The following SAMHD1 variants were observed in gnomAD, a reference collection of about 807,000 sequenced individuals.
The protein encoded by SAMHD1 is deoxynucleoside triphosphate triphosphohydrolase SAMHD1.
SAMHD1 carries 54 observed loss-of-function variants against 79.6 expected under a neutral mutation model. The observed-to-expected ratio is 0.68, with a 90% confidence interval of 0.55 to 0.85. The LOEUF (loss-of-function observed/expected upper bound fraction) is 0.85, where lower values mean the gene tolerates loss of function less well. SAMHD1 is among the 40% of genes least tolerant of loss of function. The pLI is 0.00. For missense variants in SAMHD1, 663 were observed against 782.7 expected, an observed-to-expected ratio of 0.85 and a Z score of 1.82; for synonymous variants, 260 against 264.1, an observed-to-expected ratio of 0.98 and a Z score of 0.15.
chr20:36,949,714 G>A (rs1162087692), intron 1 of SAMHD1, among the ~76,000 whole-genome samples: 2 of 136,416 alleles, frequency 1.5e-5, no homozygotes, highest in Non-Finnish European at 3.0e-5. Context: ...CCGAGATGGC[G>A]CCACTGCACT....
At chr20:36,909,949 G>A (rs893311101) in intron 11 of SAMHD1, among the ~76,000 whole-genome samples, 11 of 151,940 alleles carry the variant, frequency 7.2e-5, no homozygotes, top group African/African-American at 9.7e-5. Flanking sequence ...AGGTGTGGCC[G>A]GGCGGTGTCT....
chr20:36,919,502 A>G lies in SAMHD1; in HGVS notation c.714T>C (p.Val238=). 1 of 1,613,556 alleles carries G rather than the reference A, an allele frequency of 6.2e-7. No individual in the cohort carries two copies. Among genetic ancestry groups the G allele is most frequent in the Non-Finnish European group, 8.5e-7 (1 of 1,179,838 alleles). The part of the protein sequence containing the change: ...EVKWTHEQGS[V]MMFEHLINSN... ...AATTAATAAGGTGCTCAAACATCAT[A>G]ACTGAGCCTTGTTCATGCTAGGAAA... is the stretch of plus-strand genomic sequence containing the variant. Residue 238 remains valine, a synonymous_variant, in exon 7 of 16, where the codon GTT becomes GTC. Coordinates refer to ENST00000646673, the MANE Select transcript of SAMHD1 (RefSeq NM_015474.4).
At chr20:36,895,859 G>T (rs1194653110) in intron 15 of SAMHD1, among the ~76,000 whole-genome samples, 2 of 152,030 alleles carry the variant, frequency 1.3e-5, no homozygotes, top group Admixed American at 6.6e-5. Context: ...GGGAAAAATG[G>T]ATGGCTGTGT....
chr20:36,923,688 G>A (rs2063520280), intron 6 of SAMHD1, among the ~76,000 whole-genome samples: 2 of 152,110 alleles, frequency 1.3e-5, no homozygotes, highest in Admixed American at 1.3e-4. Context: ...GACGGTGCAG[G>A]CCTGTGGCCC....
intron 2 of SAMHD1, among the ~76,000 whole-genome samples, chr20:36,943,681 G>A (rs2063663127): frequency 6.6e-6 from 1 of 152,128 alleles, no homozygotes. Context: ...AAGAAAGACT[G>A]TATTAGAACA....
At chr20:36,927,314 CTTTTTTTTTTTT>C (rs529639777) in intron 5 of SAMHD1, 62 bp from the exon 6 acceptor site, 5 of 766,240 alleles carry the variant, frequency 6.5e-6, no homozygotes, top group Admixed American at 2.6e-5. Flanking sequence ...AAACTTTTTC[CTTTTTTTTTTTT>C]TTTTTTTTGA....
intron 7 of SAMHD1, 125 bp from the exon 8 acceptor site, chr20:36,917,174 C>T: frequency 2.9e-6 from 2 of 689,720 alleles, no homozygotes; most frequent in Non-Finnish European, 5.2e-6. Context: ...ATGAGATAAA[C>T]TAGAAGGTTC....
downstream of SAMHD1, chr20:36,889,854 A>AC (rs200340979): frequency 0.015 from 2,309 of 150,172 alleles, 25 homozygotes; most frequent in South Asian, 0.024. Context: ...CTAAAATTCA[A>AC]CCCCCCCCAA....
At chr20:36,921,565 T>C (rs2063505243) in intron 6 of SAMHD1, among the ~76,000 whole-genome samples, 1 of 151,940 alleles carries the variant, frequency 6.6e-6, no homozygotes, top group Non-Finnish European at 1.5e-5. Flanking sequence ...GATGATACAC[T>C]ATGAAGGATG....
Position 36,892,981 on chromosome 20 carries a change from C to A in SAMHD1, c.1832G>T (p.Arg611Leu), listed in dbSNP as rs150713148. 6.2e-7 allele frequency: 1 copy of A among 1,613,944 alleles called. No individual in the cohort carries two copies. The highest frequency in any genetic ancestry group is 8.5e-7 in the Non-Finnish European group (1 of 1,180,008). ...STSVQNPTRLREASKSRVQLF... is the reference protein window; with the variant it reads ...STSVQNPTRLLEASKSRVQLF... ...CTGGACTCTGCTTTTGGATGCTTCT[C>A]GGAGGCGAGTTGGATTTTGGACTGA... is the stretch of plus-strand genomic sequence containing the variant. Residue 611 changes from arginine (R) to leucine (L), a missense_variant, in exon 16 of 16, where the codon CGA becomes CTA. Transcript: ENST00000646673.
intron 3 of SAMHD1, among the ~76,000 whole-genome samples, chr20:36,935,905 A>G (rs1009188756): frequency 3.3e-5 from 5 of 151,510 alleles, no homozygotes; most frequent in African/African-American, 7.3e-5. Flanking sequence ...TCTATACAGC[A>G]CTCATCATTA....
chr20:36,913,980 G>A (rs540705275), intron 9 of SAMHD1, among the ~76,000 whole-genome samples: 20 of 151,866 alleles, frequency 1.3e-4, no homozygotes, highest in African/African-American at 4.1e-4. Context: ...TCTCAAACTC[G>A]GTAGCCCAAG....
At chr20:36,938,337 C>T (rs138198428) in intron 3 of SAMHD1, among the ~76,000 whole-genome samples, 10,712 of 152,116 alleles carry the variant, frequency 0.07, 439 homozygotes, top group South Asian at 0.088. Context: ...GTCAGGAGTT[C>T]GAGGCCAGCC....
chr20:36,908,449 G>A (rs2063418160), intron 11 of SAMHD1, among the ~76,000 whole-genome samples: 1 of 151,954 alleles, frequency 6.6e-6, no homozygotes, highest in South Asian at 2.1e-4. Context: ...TGTTGCCCAG[G>A]CTGGTCTCAA....
intron 1 of SAMHD1, among the ~76,000 whole-genome samples, chr20:36,948,859 C>G (rs1262421784): frequency 7.5e-6 from 1 of 134,200 alleles, no homozygotes; most frequent in South Asian, 2.3e-4. Flanking sequence ...GAGCGAGACT[C>G]TGTCTCAAAA....
intron 13 of SAMHD1, among the ~76,000 whole-genome samples, chr20:36,901,939 T>C (rs1990313596): frequency 6.6e-6 from 1 of 152,172 alleles, no homozygotes; most frequent in Non-Finnish European, 1.5e-5. Flanking sequence ...CCTAAGCCTT[T>C]GACAAGAACA....
intron 15 of SAMHD1, among the ~76,000 whole-genome samples, chr20:36,896,852 A>G (rs1046509555): frequency 2.2e-5 from 3 of 138,868 alleles, no homozygotes; most frequent in African/African-American, 8.1e-5. Flanking sequence ...TGAATGAATT[A>G]ATTAATTAAA....
At chr20:36,950,721 G>C (rs2063728159) in intron 1 of SAMHD1, among the ~76,000 whole-genome samples, 1 of 152,138 alleles carries the variant, frequency 6.6e-6, no homozygotes. Flanking sequence ...AGGGGAACCT[G>C]CTTTTAAAGA....
Position 36,912,475 on chromosome 20 carries a change from G to A in SAMHD1, c.1140C>T (p.Asn380=), listed in dbSNP as rs2063446259. 6.2e-7 allele frequency: 1 copy of A among 1,609,346 alleles called. No homozygotes were observed. Among genetic ancestry groups the A allele is most frequent in the African/African-American group, 1.3e-5 (1 of 74,780 alleles). The part of the protein sequence containing the change: ...HRRAYQHKVG[N]IIDTMITDAF... ...AAGTTTCTTACATTGTATCAATAAT[G>A]TTGCCAACTTTGTGTTGATAAGCTC... The change falls in exon 10 of 16, where the codon AAC becomes AAT. Residue 380 remains asparagine, a synonymous_variant. Transcript: ENST00000646673.
Sources: allele counts gnomAD v4.1 joint callset (sites outside exome capture counted in the v4.1 genomes callset), GRCh38; gene constraint gnomAD v4.1.1; transcripts MANE v1.5; gene names NCBI Gene and HGNC (gene_info 2026-07-23, HGNC 2026-07-21).